Variants in ZBTB11 observed in about 807,000 individuals in gnomAD.
ZBTB11 encodes zinc finger and BTB domain containing 11, also known as zinc finger and BTB domain-containing protein 11.
In ZBTB11, 68 loss-of-function variants were observed where a neutral mutation model predicts 113.1. The ratio of observed to expected loss-of-function variants is 0.60; its 90% CI spans 0.49 to 0.74. ZBTB11 has a LOEUF of 0.74. Ranked by LOEUF, ZBTB11 falls within the 30% of genes least tolerant of loss-of-function variation. ZBTB11 has a pLI of 0.00. For missense variants in ZBTB11, 1,104 were observed against 1,279.4 expected, an observed-to-expected ratio of 0.86 and a Z score of 2.09; for synonymous variants, 518 against 452.6, an observed-to-expected ratio of 1.14 and a Z score of -1.83.
chr3:101,675,102 G>A (rs978847944), intron 1 of ZBTB11, among the ~76,000 whole-genome samples: 1 of 152,176 alleles, frequency 6.6e-6, no homozygotes, highest in Non-Finnish European at 1.5e-5. Context: ...GTTTTATGAA[G>A]GTTAAATAAA....
At chr3:101,675,879 G>C (rs916998078) in intron 1 of ZBTB11, among the ~76,000 whole-genome samples, 6 of 152,164 alleles carry the variant, frequency 3.9e-5, no homozygotes, top group Non-Finnish European at 8.8e-5. Flanking sequence ...AGGATGGCTT[G>C]AGGCCAGATG....
Position 101,677,075 on chromosome 3 carries a change from G to T in ZBTB11, c.-161C>A. On this transcript the variant is annotated 5_prime_UTR_variant, in exon 1 of 11. Coordinates refer to ENST00000312938, the MANE Select transcript of ZBTB11 (RefSeq NM_014415.4). ...CTCCCTTAGTCCGAAGGAAAAGCGG[G>T]CGAGTTGGTAACCAGGGGGAACTGC... 1 of 793,748 alleles carries T rather than the reference G, an allele frequency of 1.3e-6. No individual in the cohort carries two copies. Among genetic ancestry groups the T allele is most frequent in the Non-Finnish European group, 1.9e-6 (1 of 533,266 alleles). The allele number at this position is 793,748 out of a possible 1,614,324, so 49.2% of individuals were successfully genotyped here. A position where few individuals can be genotyped will look rare whatever the true frequency, so the allele number is the denominator to read the frequency against.
At chr3:101,658,359 G>T (rs1316740710) in intron 6 of ZBTB11, among the ~76,000 whole-genome samples, 1 of 151,500 alleles carries the variant, frequency 6.6e-6, no homozygotes, top group Non-Finnish European at 1.5e-5. Context: ...CCAAGTAGCT[G>T]GGATTACAGG....
Position 101,674,909 on chromosome 3 carries a change from CT to C in ZBTB11, c.310+1695del, listed in dbSNP as rs540062803. Reference sequence around the variant, plus strand: ...GAGATCACAAAGGTCAGCTGTGTGACTTTTGTTGTGTTATTTAACATCCTAG... The same window carrying C: ...GAGATCACAAAGGTCAGCTGTGTGACTTTGTTGTGTTATTTAACATCCTAG... On this transcript the variant is annotated intron_variant, in intron 1 of 10. Transcript: ENST00000312938. Among the ~76,000 whole-genome samples the C allele has an allele frequency of 2.5e-4, 38 of 152,194 alleles. 1 individual carries two copies. The South Asian group carries it at 7.9e-3, about 32-fold the overall frequency.
intron 6 of ZBTB11, among the ~76,000 whole-genome samples, chr3:101,659,489 T>C (rs545634397): frequency 6.6e-6 from 1 of 152,146 alleles, no homozygotes; most frequent in Non-Finnish European, 1.5e-5. Context: ...GTTGGTCCAG[T>C]TGAAGGTTAA....
In ZBTB11 at chr3:101,648,977, G is replaced by A. The variant is rs1936649961; in HGVS notation, c.*2189C>T. The A allele has an allele frequency of 6.6e-6, 1 of 152,270 alleles. No individual in the cohort carries two copies. The highest frequency in any genetic ancestry group is 6.5e-5 in the Admixed American group (1 of 15,286). 9.4% of individuals were successfully genotyped at this position (152,270 alleles called of 1,614,324 possible). ...GCTGGATAAAGGTGGCTCTCAGCAG[G>A]ATGGATGGGGAGCTGGAAAGGGGAT... On this transcript the variant is annotated 3_prime_UTR_variant, in exon 11 of 11. Transcript: ENST00000312938.
chr3:101,671,314 C>G lies in ZBTB11; in HGVS notation c.594G>C (p.Gln198His). 6.2e-7 allele frequency: 1 copy of G among 1,614,140 alleles called. No homozygotes were observed. Among genetic ancestry groups the G allele is most frequent in the Non-Finnish European group, 8.5e-7 (1 of 1,180,018 alleles). Reference sequence around the variant, plus strand: ...GTTCGTTCAGCTGTTTTAAGACAGCCTGACAATGTTTTGGAGAAGAACGTT... The same window carrying G: ...GTTCGTTCAGCTGTTTTAAGACAGCGTGACAATGTTTTGGAGAAGAACGTT... Reference protein sequence around the residue: ...VVKRSSPKHCQAVLKQLNEQR... With the variant: ...VVKRSSPKHCHAVLKQLNEQR... Residue 198 changes from glutamine (Q) to histidine (H), a missense_variant, in exon 3 of 11, where the codon CAG becomes CAC. Coordinates refer to ENST00000312938, the MANE Select transcript of ZBTB11 (RefSeq NM_014415.4).
At chr3:101,670,675 G>A (rs940556660) in intron 3 of ZBTB11, 1 of 155,082 alleles carries the variant, frequency 6.4e-6, no homozygotes, top group Non-Finnish European at 1.4e-5. Flanking sequence ...CGTCTGGAGA[G>A]CAGTGGGTAT....
chr3:101,649,883 A>T lies in ZBTB11; in HGVS notation c.*1283T>A, dbSNP rs1232150117. 6.6e-6 allele frequency: 1 copy of T among 152,646 alleles called. No homozygotes were observed. Among genetic ancestry groups the T allele is most frequent in the East Asian group, 1.9e-4 (1 of 5,202 alleles). The allele number at this position is 152,646 out of a possible 1,614,324, so 9.5% of individuals were successfully genotyped here. A position where few individuals can be genotyped will look rare whatever the true frequency, so the allele number is the denominator to read the frequency against. ...TGCTTATATCTTAATTTTATACTTTATAACAGCTTCTAATACCTAAAAGCT... is the reference window on the plus strand; with the variant it reads ...TGCTTATATCTTAATTTTATACTTTTTAACAGCTTCTAATACCTAAAAGCT... On this transcript the variant is annotated 3_prime_UTR_variant, in exon 11 of 11. Coordinates refer to ENST00000312938, the MANE Select transcript of ZBTB11 (RefSeq NM_014415.4).
chr3:101,673,689 AT>A, intron 1 of ZBTB11, among the ~76,000 whole-genome samples: 1 of 151,754 alleles, frequency 6.6e-6, no homozygotes, highest in Non-Finnish European at 1.5e-5. Context: ...AATTTTTTGT[AT>A]TTTTAGTAGA....
intron 3 of ZBTB11, 167 bp downstream of exon 3, chr3:101,670,963 C>CT: frequency 1.7e-6 from 1 of 585,178 alleles, no homozygotes; most frequent in Non-Finnish European, 3.1e-6. Context: ...TTCCATAACT[C>CT]TACCACAGAA....
Position 101,665,357 on chromosome 3 carries a change from C to T in ZBTB11, c.1230G>A (p.Glu410=). The change falls in exon 4 of 11, where the codon GAG becomes GAA. Residue 410 remains glutamate (E), a synonymous_variant. Coordinates refer to ENST00000312938, the MANE Select transcript of ZBTB11 (RefSeq NM_014415.4). The stretch of plus-strand genomic sequence containing the variant: ...TGTTTTTTGTTATTAAATCAACAGA[C>T]TCCATTTCAGGATGGGAATCAGCTA... ...GCIADSHPEM[E]SVDLITKNNQ... is the part of the protein sequence containing the mutation. The T allele has an allele frequency of 6.2e-7, 1 of 1,614,190 alleles. No homozygotes were observed. The highest frequency in any genetic ancestry group is 1.3e-5 in the African/African-American group (1 of 75,028).
At position 101,651,245 on chromosome 3, in the gene ZBTB11, T is replaced by C; in HGVS notation, c.3083A>G (p.Gln1028Arg). Reference sequence around the variant, plus strand: ...TGCAACTTCAGATAGCTTCTGTCCTTGCTGTTGTGCTAATACATAATTAAC... The same window carrying C: ...TGCAACTTCAGATAGCTTCTGTCCTCGCTGTTGTGCTAATACATAATTAAC... ...QVVNYVLAQQ[Q>R]GQKLSEVAEA... is the part of the protein sequence containing the mutation. The change falls in exon 11 of 11, where the codon CAA (glutamine) becomes CGA (arginine). Residue 1028 changes from glutamine (Q) to arginine (R), a missense_variant. Coordinates refer to ENST00000312938, the MANE Select transcript of ZBTB11 (RefSeq NM_014415.4). 1.9e-6 allele frequency: 3 copies of C among 1,613,998 alleles called. No individual in the cohort carries two copies. Among genetic ancestry groups the C allele is most frequent in the Non-Finnish European group, 2.5e-6 (3 of 1,179,974 alleles).
chr3:101,653,900 G>A (rs1263441169), intron 8 of ZBTB11, among the ~76,000 whole-genome samples: 1 of 152,142 alleles, frequency 6.6e-6, no homozygotes, highest in Admixed American at 6.5e-5. Flanking sequence ...CCTGGCTTTT[G>A]TTTCCTAAGA....
rs779699235 is a variant in ZBTB11 at position 101,652,596 on chromosome 3, C to G, written c.2544G>C (p.Lys848Asn). 3.1e-6 allele frequency: 5 copies of G among 1,614,160 alleles called. No individual in the cohort carries two copies. Among genetic ancestry groups the G allele is most frequent in the Non-Finnish European group, 4.2e-6 (5 of 1,180,028 alleles). Reference protein sequence around the residue: ...RRHVKKATHGKKGRAKQNLER... With the variant: ...RRHVKKATHGNKGRAKQNLER... ...CCAGGTTTTGCTTTGCTCTTCCTTT[C>G]TTCCCATGGGTAGCTTTCTTTACAT... Residue 848 changes from lysine (K) to asparagine (N), a missense_variant, in exon 10 of 11, where the codon AAG becomes AAC. This residue lies in a region of ZBTB11 where 148 missense variants were observed against 259.3 expected (regional missense o/e 0.57). Transcript: ENST00000312938.
chr3:101,665,178 A>G lies in ZBTB11; in HGVS notation c.1409T>C (p.Ile470Thr), dbSNP rs761259318. The change falls in exon 4 of 11, where the codon ATT becomes ACT. Residue 470 changes from isoleucine to threonine, a missense_variant. This residue lies in a region of ZBTB11 where 535 missense variants were observed against 518.6 expected (regional missense o/e 1.03). Coordinates refer to ENST00000312938, the MANE Select transcript of ZBTB11 (RefSeq NM_014415.4). ...GTCAACTTTCTGCCTATGTTTTGGA[A>G]TGTCTTCGGCACAAATATCCTCAGC... is the stretch of plus-strand genomic sequence containing the variant. ...ISAEDICAEDIPKHRQKVDQP... is the reference protein window; with the variant it reads ...ISAEDICAEDTPKHRQKVDQP... The G allele has an allele frequency of 6.2e-7, 1 of 1,614,126 alleles. No homozygotes were observed. The highest frequency in any genetic ancestry group is 8.5e-7 in the Non-Finnish European group (1 of 1,180,018).
chr3:101,663,548 A>C (rs1449414466), intron 5 of ZBTB11, among the ~76,000 whole-genome samples: 1 of 152,072 alleles, frequency 6.6e-6, no homozygotes. Context: ...CAGATTTTTC[A>C]TCTCTGAGAT....
In ZBTB11 at chr3:101,665,442, C is replaced by T. The variant is rs9811237; in HGVS notation, c.1145G>A (p.Arg382Gln). Residue 382 changes from arginine to glutamine, a missense_variant, in exon 4 of 11, where the codon CGA (arginine) becomes CAA (glutamine). By Grantham distance (43) the Arg-to-Gln change is conservative. Around this residue, in one of 5 missense-constraint regions of ZBTB11, gnomAD observed 535 missense variants for 518.6 expected, o/e 1.03. Coordinates refer to ENST00000312938, the MANE Select transcript of ZBTB11 (RefSeq NM_014415.4). The stretch of plus-strand genomic sequence containing the variant: ...TGAAGAAACCTGGGGCTCAGGCTGT[C>T]GTCCTACCTCTCCATTCTGCTCAGC... ...PEAEQNGEVG[R>Q]QPEPQVSSEA... 529 of 1,614,126 alleles carry T rather than the reference C, an allele frequency of 3.3e-4. 6 individuals are homozygous for T. In the African/African-American group the frequency reaches 6.0e-3, roughly 18 times the overall value.
chr3:101,672,872 G>C (rs1203477673), intron 1 of ZBTB11, among the ~76,000 whole-genome samples: 10 of 152,204 alleles, frequency 6.6e-5, no homozygotes, highest in Non-Finnish European at 1.5e-4. Flanking sequence ...TTTTGCACCA[G>C]TTCTCTGATC....
Sources: allele counts gnomAD v4.1 joint callset (sites outside exome capture counted in the v4.1 genomes callset), GRCh38; gene constraint gnomAD v4.1.1; regional missense constraint gnomAD v4.1.1; transcripts MANE v1.5; gene names NCBI Gene and HGNC (gene_info 2026-07-23, HGNC 2026-07-21).